Variants in C8A observed in about 807,000 individuals in gnomAD.
C8A encodes complement component C8 alpha chain.
A neutral mutation model predicts 65.3 loss-of-function variants in C8A; 67 were observed. The observed-to-expected ratio is 1.03, with a 90% CI of 0.84 to 1.26. C8A has a LOEUF of 1.26. Ranked by LOEUF, C8A falls within the 50% of genes most tolerant of loss-of-function variation. The pLI is 0.00. For missense variants in C8A, 781 were observed against 723.9 expected (o/e 1.08, Z -0.90); for synonymous variants, 290 against 259.4 (o/e 1.12, Z -1.13).
chr1:56,867,729 G>C lies in C8A; in HGVS notation c.171+27G>C, dbSNP rs201060477. 6 of 1,547,590 alleles carry C rather than the reference G, an allele frequency of 3.9e-6. No individual in the cohort carries two copies. In the African/African-American group the frequency reaches 4.1e-5, roughly 11 times the overall value. ...TGAGACACTTACAACCGGTTTGGGG[G>C]CATTTCATATTTGATATGTGTATTA... On this transcript the variant is annotated intron_variant, in intron 2 of 10. Coordinates refer to ENST00000361249, the MANE Select transcript of C8A (RefSeq NM_000562.3).
chr1:56,913,401 G>T (rs1034567710), intron 10 of C8A, among the ~76,000 whole-genome samples: 7 of 152,204 alleles, frequency 4.6e-5, no homozygotes, highest in Admixed American at 1.3e-4. Context: ...GGCAAGGAAG[G>T]TTTAAATGCA....
At chr1:56,855,031 G>A in intron 1 of C8A, 53 bp downstream of exon 1, 2 of 1,328,280 alleles carry the variant, frequency 1.5e-6, no homozygotes, top group Non-Finnish European at 2.2e-6. Flanking sequence ...CACCTGCTGG[G>A]GAACTAAGAC....
intron 2 of C8A, among the ~76,000 whole-genome samples, chr1:56,873,227 A>G (rs918486306): frequency 6.6e-6 from 1 of 152,200 alleles, no homozygotes; most frequent in Non-Finnish European, 1.5e-5. Context: ...ATCACCTGGA[A>G]ATACTGCACG....
At chr1:56,915,691 T>C (rs1252971204) in intron 10 of C8A, among the ~76,000 whole-genome samples, 4 of 152,196 alleles carry the variant, frequency 2.6e-5, no homozygotes, top group Non-Finnish European at 4.4e-5. Flanking sequence ...AGTCCCAATT[T>C]ACAGATGAGG....
intron 6 of C8A, among the ~76,000 whole-genome samples, chr1:56,884,167 T>C (rs1321203094): frequency 1.3e-5 from 2 of 152,060 alleles, no homozygotes; most frequent in Non-Finnish European, 2.9e-5. Context: ...GGAAAGAACA[T>C]TGATCTAAGC....
At chr1:56,904,487 C>A (rs564568039) in intron 7 of C8A, among the ~76,000 whole-genome samples, 1 of 152,140 alleles carries the variant, frequency 6.6e-6, no homozygotes, top group Non-Finnish European at 1.5e-5. Context: ...GCCCAATATG[C>A]GATATGCTGG....
intron 7 of C8A, among the ~76,000 whole-genome samples, chr1:56,892,391 A>G (rs1253115847): frequency 1.3e-5 from 2 of 152,122 alleles, no homozygotes; most frequent in Non-Finnish European, 2.9e-5. Context: ...ATTTTTACAG[A>G]TGAAGGAAAC....
intron 7 of C8A, among the ~76,000 whole-genome samples, chr1:56,896,335 T>C (rs1384575499): frequency 6.6e-6 from 1 of 152,144 alleles, no homozygotes; most frequent in African/African-American, 2.4e-5. Flanking sequence ...GCTGATGCTT[T>C]CGTTTCAGTC....
intron 7 of C8A, among the ~76,000 whole-genome samples, chr1:56,891,601 T>C (rs1259387554): frequency 1.3e-5 from 2 of 152,164 alleles, no homozygotes; most frequent in East Asian, 3.9e-4. Context: ...ATATGATAGA[T>C]TTGGGATGTA....
At chr1:56,908,184 A>G (rs930486712) in intron 9 of C8A, 71 bp downstream of exon 9, 4 of 1,486,772 alleles carry the variant, frequency 2.7e-6, no homozygotes, top group Non-Finnish European at 3.8e-6. Context: ...AGATCATTTC[A>G]TATTTCTTAT....
chr1:56,882,362 C>G (rs1270061566), intron 5 of C8A, among the ~76,000 whole-genome samples: 1 of 152,082 alleles, frequency 6.6e-6, no homozygotes, highest in Non-Finnish European at 1.5e-5. Flanking sequence ...CCATTTAATC[C>G]TCACAACACA....
chr1:56,886,045 A>G lies in C8A; in HGVS notation c.974A>G (p.Tyr325Cys). Residue 325 changes from tyrosine to cysteine, a missense_variant, in exon 7 of 11, where the codon TAC becomes TGC. By Grantham distance (194) the Tyr-to-Cys change is radical (BLOSUM62 -2). Transcript: ENST00000361249. ...TCATTAATGGAGCTTCCAGATCAGTACAATTATGGCATGTATGCCAAGTTC... is the reference window on the plus strand; with the variant it reads ...TCATTAATGGAGCTTCCAGATCAGTGCAATTATGGCATGTATGCCAAGTTC... ...LQSLMELPDQ[Y>C]NYGMYAKFIN... is the part of the protein sequence containing the mutation. 1.2e-6 allele frequency: 2 copies of G among 1,614,094 alleles called. No individual in the cohort carries two copies. Among genetic ancestry groups the G allele is most frequent in the Non-Finnish European group, 8.5e-7 (1 of 1,179,964 alleles).
At chr1:56,868,725 C>T (rs1644115533) in intron 2 of C8A, among the ~76,000 whole-genome samples, 1 of 152,186 alleles carries the variant, frequency 6.6e-6, no homozygotes, top group Admixed American at 6.5e-5. Context: ...CTCCCTTCCC[C>T]ACTCGGCATA....
At position 56,906,701 on chromosome 1, in the gene C8A, A is replaced by C. The variant is rs775678403; in HGVS notation, c.1131A>C (p.Gly377=). 2.5e-6 allele frequency: 4 copies of C among 1,614,006 alleles called. No individual in the cohort carries two copies. In the South Asian group the frequency reaches 4.4e-5, roughly 18 times the overall value. ...ITSRDITTCF[G]GSLGIQYEDK... The stretch of plus-strand genomic sequence containing the variant: ...GCAGAGATATCACGACATGTTTTGG[A>C]GGCTCCTTGGGCATTCAATATGAAG... Residue 377 remains glycine (G), a synonymous_variant, in exon 8 of 11, where the codon GGA becomes GGC. Coordinates refer to ENST00000361249, the MANE Select transcript of C8A (RefSeq NM_000562.3).
At chr1:56,915,291 T>A (rs1612309) in intron 10 of C8A, among the ~76,000 whole-genome samples, 15,597 of 152,112 alleles carry the variant, frequency 0.1, 1,252 homozygotes, top group African/African-American at 0.22. Flanking sequence ...TGAAAGCCAA[T>A]GACCTTATGA....
intron 2 of C8A, 40 bp from the exon 3 acceptor site, chr1:56,874,908 AT>A (rs753488960): frequency 6.2e-7 from 1 of 1,610,780 alleles, no homozygotes; most frequent in Non-Finnish European, 8.5e-7. Context: ...TGATTGATTG[AT>A]TGGTTGACAA....
intron 4 of C8A, among the ~76,000 whole-genome samples, chr1:56,879,575 G>A (rs1644230596): frequency 1.3e-5 from 2 of 152,116 alleles, no homozygotes; most frequent in South Asian, 4.1e-4. Context: ...GAAAGTAAAG[G>A]GAAGGAACCC....
intron 9 of C8A, among the ~76,000 whole-genome samples, chr1:56,911,496 T>C (rs1435148077): frequency 2.0e-5 from 3 of 152,324 alleles, no homozygotes; most frequent in Non-Finnish European, 2.9e-5. Context: ...CTTCATCTAC[T>C]ACTTCTCAGT....
At chr1:56,856,813 T>C (rs1468650040) in intron 1 of C8A, among the ~76,000 whole-genome samples, 1 of 152,040 alleles carries the variant, frequency 6.6e-6, no homozygotes, top group Non-Finnish European at 1.5e-5. Flanking sequence ...CAAATTTATT[T>C]TATAAGTTCA....
Sources: allele counts gnomAD v4.1 joint callset (sites outside exome capture counted in the v4.1 genomes callset), GRCh38; gene constraint gnomAD v4.1.1; transcripts MANE v1.5; gene names NCBI Gene and HGNC (gene_info 2026-07-23, HGNC 2026-07-21).